ENTREP2: variants seen among roughly 807,000 people sequenced by gnomAD.
The protein encoded by ENTREP2 is protein ENTREP2.
At chr15:29,219,614 A>AAAATATATAT in the ENTREP2 span, among the ~76,000 whole-genome samples, 1 of 38,402 alleles carries the variant, frequency 2.6e-5, no homozygotes, top group African/African-American at 7.6e-5. Flanking sequence ...GTGGTGCATA[A>AAAATATATAT]ATATATATAT....
chr15:29,189,154 C>G, the ENTREP2 span, among the ~76,000 whole-genome samples: 1 of 152,184 alleles, frequency 6.6e-6, no homozygotes, highest in African/African-American at 2.4e-5. Context: ...CAGTTTATAC[C>G]CCATTGGCCA....
chr15:29,377,332 G>A, the ENTREP2 span, among the ~76,000 whole-genome samples: 1 of 152,046 alleles, frequency 6.6e-6, no homozygotes, highest in Non-Finnish European at 1.5e-5. Context: ...AGGGCTTAAC[G>A]AAGGGGAGTG....
At chr15:29,337,407 C>G in the ENTREP2 span, among the ~76,000 whole-genome samples, 1 of 152,162 alleles carries the variant, frequency 6.6e-6, no homozygotes, top group Admixed American at 6.5e-5. Flanking sequence ...GGCTGCCTGC[C>G]TTTTTCTGTA....
At chr15:29,670,134 A>G in the ENTREP2 span, among the ~76,000 whole-genome samples, 1 of 152,216 alleles carries the variant, frequency 6.6e-6, no homozygotes, top group African/African-American at 2.4e-5. Flanking sequence ...AGCCATTTTA[A>G]TCTAGGCTAA....
chr15:29,600,617 T>C, the ENTREP2 span, among the ~76,000 whole-genome samples: 8 of 152,164 alleles, frequency 5.3e-5, no homozygotes, highest in Admixed American at 5.2e-4. Flanking sequence ...TATCATGATG[T>C]CTTATTGTAT....
At chr15:29,381,718 C>T in the ENTREP2 span, 10 of 1,432,050 alleles carry the variant, frequency 7.0e-6, no homozygotes, top group African/African-American at 8.5e-5. Flanking sequence ...AACCTGCTCA[C>T]GCATCTGAAG....
At chr15:29,580,522 C>A in the ENTREP2 span, among the ~76,000 whole-genome samples, 5 of 152,108 alleles carry the variant, frequency 3.3e-5, no homozygotes, top group African/African-American at 9.7e-5. Flanking sequence ...TGGCCTATAG[C>A]GGCAGAACAG....
At chr15:29,516,980 A>C in the ENTREP2 span, among the ~76,000 whole-genome samples, 1 of 150,632 alleles carries the variant, frequency 6.6e-6, no homozygotes, top group Middle Eastern at 3.2e-3. Flanking sequence ...AAAAAAAAAA[A>C]AAAAAAACTA....
the ENTREP2 span, among the ~76,000 whole-genome samples, chr15:29,285,614 T>C: frequency 6.6e-6 from 1 of 152,182 alleles, no homozygotes; most frequent in Non-Finnish European, 1.5e-5. Context: ...ATGACTTCAC[T>C]AGTAAATTCC....
At chr15:29,570,469 C>A in the ENTREP2 span, 1 of 1,234,100 alleles carries the variant, frequency 8.1e-7, no homozygotes, top group Non-Finnish European at 1.0e-6. Context: ...CCGCGCAGTC[C>A]CCGGAGCCCG....
chr15:29,221,876 A>C, the ENTREP2 span, among the ~76,000 whole-genome samples: 2 of 152,180 alleles, frequency 1.3e-5, no homozygotes, highest in Non-Finnish European at 2.9e-5. Context: ...TTGGAATAAC[A>C]AAAGATTGGA....
At chr15:29,257,151 G>A in the ENTREP2 span, among the ~76,000 whole-genome samples, 6 of 151,508 alleles carry the variant, frequency 4.0e-5, no homozygotes, top group East Asian at 3.9e-4. Flanking sequence ...TCGACTCACC[G>A]CAGTCTCCAC....
the ENTREP2 span, among the ~76,000 whole-genome samples, chr15:29,294,929 C>T: frequency 6.6e-6 from 1 of 152,286 alleles, no homozygotes; most frequent in East Asian, 1.9e-4. Context: ...TCATTGCAGG[C>T]TCCAAGCCGC....
chr15:29,439,825 G>A, the ENTREP2 span, among the ~76,000 whole-genome samples: 4 of 152,306 alleles, frequency 2.6e-5, no homozygotes, highest in South Asian at 8.3e-4. Context: ...AGGAGTAAGG[G>A]AGGGGAAAGA....
the ENTREP2 span, among the ~76,000 whole-genome samples, chr15:29,377,641 G>C: frequency 6.6e-6 from 1 of 151,844 alleles, no homozygotes; most frequent in South Asian, 2.1e-4. Flanking sequence ...GACCAACATG[G>C]AGAAACCCTG....
At chr15:29,396,418 C>T in the ENTREP2 span, among the ~76,000 whole-genome samples, 2 of 152,068 alleles carry the variant, frequency 1.3e-5, no homozygotes, top group Non-Finnish European at 2.9e-5. Flanking sequence ...CTGGGTTCAT[C>T]CATGTTGCCA....
the ENTREP2 span, chr15:29,118,038 G>A: frequency 4.1e-4 from 62 of 152,696 alleles, no homozygotes; most frequent in African/African-American, 1.4e-3. Context: ...CTTGGCCAGC[G>A]TGGCGCAGTG....
At chr15:29,243,012 G>A in the ENTREP2 span, among the ~76,000 whole-genome samples, 2 of 152,344 alleles carry the variant, frequency 1.3e-5, no homozygotes, top group South Asian at 2.1e-4. Flanking sequence ...GCAGGCTAGC[G>A]AAGCTGGAGG....
chr15:29,193,465 C>T, the ENTREP2 span, among the ~76,000 whole-genome samples: 1 of 152,200 alleles, frequency 6.6e-6, no homozygotes. Flanking sequence ...CACACTGGTG[C>T]AACCACTCCC....
Sources: allele counts gnomAD v4.1 joint callset (sites outside exome capture counted in the v4.1 genomes callset), GRCh38; gene constraint gnomAD v4.1.1; transcripts MANE v1.5; gene names NCBI Gene and HGNC (gene_info 2026-07-23, HGNC 2026-07-21).